PHC2: variants seen among roughly 807,000 people sequenced by gnomAD.
PHC2 encodes polyhomeotic homolog 2, also known as polyhomeotic-like protein 2.
A neutral mutation model predicts 87.4 loss-of-function variants in PHC2; 29 were observed. The observed-to-expected ratio is 0.33, with a 90% confidence interval of 0.25 to 0.45. The LOEUF (loss-of-function observed/expected upper bound fraction) is 0.45, where lower values mean the gene tolerates loss of function less well. PHC2 is among the 20% of genes least tolerant of loss of function. The probability of loss-of-function intolerance (pLI) is 1.00; values close to 1 mark genes in which losing one functional copy is unlikely to be tolerated. For missense variants in PHC2, 857 were observed against 1,136.7 expected (o/e 0.75, Z 3.54); for synonymous variants, 438 against 461.7 (o/e 0.95, Z 0.66).
At chr1:33,335,808 G>A (rs1246582508) in intron 9 of PHC2, among the ~76,000 whole-genome samples, 1 of 150,052 alleles carries the variant, frequency 6.7e-6, no homozygotes, top group Non-Finnish European at 1.5e-5. Context: ...GCTGAGGCAG[G>A]AGAACTGCTT....
At chr1:33,396,347 G>A (rs1649295366) in intron 1 of PHC2, among the ~76,000 whole-genome samples, 1 of 152,192 alleles carries the variant, frequency 6.6e-6, no homozygotes, top group Admixed American at 6.5e-5. Flanking sequence ...TTTTAACGGG[G>A]TGGGGAAGGG....
At position 33,387,795 on chromosome 1, in the gene PHC2, T is replaced by C. The variant is rs527822288; in HGVS notation, c.-54-12202A>G. ...GCCTCTCTGGGCCAGTCAGTTCTTA[T>C]GAAGTTCACTTGGCTCCCATAGCCT... On this transcript the variant is annotated intron_variant, in intron 1 of 14. Transcript: ENST00000683057. Among the ~76,000 whole-genome samples, 40 of 152,350 alleles carry C rather than the reference T, an allele frequency of 2.6e-4. 1 individual carries two copies. The highest frequency in any genetic ancestry group is 3.9e-4 in the Admixed American group (6 of 15,304).
At chr1:33,325,903 G>A (rs1207961439) in intron 14 of PHC2, 2 of 456,672 alleles carry the variant, frequency 4.4e-6, no homozygotes, top group Non-Finnish European at 8.8e-6. Context: ...AGTGTCTAAG[G>A]TGCTTTGAGA....
intron 1 of PHC2, among the ~76,000 whole-genome samples, chr1:33,411,617 G>C (rs1379936416): frequency 6.6e-6 from 1 of 152,148 alleles, no homozygotes; most frequent in Non-Finnish European, 1.5e-5. Context: ...CTGGAGTGCA[G>C]TGGCATGATC....
chr1:33,363,933 C>T (rs756816257), intron 7 of PHC2: 10 of 984,868 alleles, frequency 1.0e-5, no homozygotes, highest in Non-Finnish European at 1.2e-5. Context: ...AAGGGCAAGC[C>T]AGGCCCTTCT....
At chr1:33,353,948 G>A (rs1647020391) in intron 9 of PHC2, among the ~76,000 whole-genome samples, 2 of 152,196 alleles carry the variant, frequency 1.3e-5, no homozygotes, top group Admixed American at 6.5e-5. Context: ...TGCTTCCTGT[G>A]AGCTGAACTC....
chr1:33,429,936 T>C (rs898997163), intron 1 of PHC2, among the ~76,000 whole-genome samples: 8 of 152,174 alleles, frequency 5.3e-5, no homozygotes, highest in Non-Finnish European at 1.0e-4. Flanking sequence ...CCACTGGTGA[T>C]AGAAATATTT....
intron 13 of PHC2, among the ~76,000 whole-genome samples, chr1:33,329,778 A>G (rs1381958442): frequency 1.3e-5 from 2 of 152,328 alleles, no homozygotes; most frequent in Middle Eastern, 3.4e-3. Flanking sequence ...TGAGCAGCCC[A>G]GGGGAGACCC....
intron 7 of PHC2, among the ~76,000 whole-genome samples, chr1:33,362,877 A>G (rs1355997668): frequency 2.6e-5 from 4 of 152,270 alleles, no homozygotes; most frequent in Non-Finnish European, 4.4e-5. Flanking sequence ...AAGAGGTGCT[A>G]AATGAGTATC....
At chr1:33,388,479 AC>A (rs1167642812) in intron 1 of PHC2, among the ~76,000 whole-genome samples, 1 of 151,848 alleles carries the variant, frequency 6.6e-6, no homozygotes, top group African/African-American at 2.4e-5. Flanking sequence ...ATGCGCCACC[AC>A]GCCCAGCTAA....
In PHC2 at chr1:33,414,061, A is replaced by G. The variant is rs995972763; in HGVS notation, c.-55+16915T>C. On this transcript the variant is annotated intron_variant, in intron 1 of 14. Coordinates refer to ENST00000683057, the MANE Select transcript of PHC2 (RefSeq NM_001385109.1). Reference sequence around the variant, plus strand: ...CTTGTTCATTAAATCCCTTAAATGTATATCTAAAAACTGAGTTGGCAGGGC... The same window carrying G: ...CTTGTTCATTAAATCCCTTAAATGTGTATCTAAAAACTGAGTTGGCAGGGC... Among the ~76,000 whole-genome samples the G allele has an allele frequency of 3.3e-5, 5 of 152,302 alleles. No individual in the cohort carries two copies. The South Asian group carries it at 8.3e-4, about 25-fold the overall frequency.
At chr1:33,345,770 T>C in intron 9 of PHC2, 1 of 985,330 alleles carries the variant, frequency 1.0e-6, no homozygotes, top group Non-Finnish European at 1.2e-6. Context: ...TGGTTGATTA[T>C]TTTCCTAACA....
chr1:33,325,039 GAC>G lies in PHC2; in HGVS notation c.2426-22_2426-21del. The stretch of plus-strand genomic sequence containing the variant: ...GGCAGCCTGAGGGGGTACCACCAAA[GAC>G]AGTGTCAATCCAAGCCGCCAGTGTT... On this transcript the variant is annotated intron_variant, in intron 14 of 14. Transcript: ENST00000683057. 1 of 1,593,324 alleles carries G rather than the reference GAC, an allele frequency of 6.3e-7. No homozygotes were observed. The highest frequency in any genetic ancestry group is 8.6e-7 in the Non-Finnish European group (1 of 1,165,922).
intron 9 of PHC2, among the ~76,000 whole-genome samples, chr1:33,335,842 G>C (rs993250277): frequency 1.3e-5 from 2 of 150,708 alleles, no homozygotes; most frequent in African/African-American, 4.9e-5. Context: ...GGAGGCTGCA[G>C]TGAGCTGAGA....
At chr1:33,342,690 T>C (rs920383559) in intron 9 of PHC2, among the ~76,000 whole-genome samples, 16 of 152,084 alleles carry the variant, frequency 1.1e-4, no homozygotes, top group African/African-American at 3.1e-4. Context: ...CACCAGGGAA[T>C]AATAGCTGGC....
At chr1:33,335,234 CA>C (rs1328376081) in intron 9 of PHC2, 1 of 985,338 alleles carries the variant, frequency 1.0e-6, no homozygotes, top group African/African-American at 1.7e-5. Context: ...TGAGCTGTCT[CA>C]TTGTCTTAGA....
chr1:33,329,019 G>A lies in PHC2; in HGVS notation c.2276C>T (p.Ser759Phe). The change falls in exon 14 of 15, where the codon TCT becomes TTT. Residue 759 changes from serine to phenylalanine, a missense_variant. By Grantham distance (155) the Ser-to-Phe change is radical (BLOSUM62 -2). Transcript: ENST00000683057. ...CTGGCCTTGTCGCCGGCGGGAAGTAGATGAGCTGGCTGAGATGGGTGACAA... is the reference window on the plus strand; with the variant it reads ...CTGGCCTTGTCGCCGGCGGGAAGTAAATGAGCTGGCTGAGATGGGTGACAA... ...EPLSPISASS[S>F]TSRRRQGQRD... 2 of 1,614,254 alleles carry A rather than the reference G, an allele frequency of 1.2e-6. No individual in the cohort carries two copies. Among genetic ancestry groups the A allele is most frequent in the South Asian group, 1.1e-5 (1 of 91,088 alleles).
intron 1 of PHC2, among the ~76,000 whole-genome samples, chr1:33,424,326 C>G (rs1024027251): frequency 1.3e-5 from 2 of 152,142 alleles, no homozygotes; most frequent in African/African-American, 4.8e-5. Context: ...TTTATCTGTA[C>G]CCATGGTTTC....
At chr1:33,345,569 A>C in intron 9 of PHC2, 1 of 985,262 alleles carries the variant, frequency 1.0e-6, no homozygotes, top group Non-Finnish European at 1.2e-6. Flanking sequence ...ATCTCAGAGC[A>C]ACGGTTTATG....
Sources: allele counts gnomAD v4.1 joint callset (sites outside exome capture counted in the v4.1 genomes callset), GRCh38; gene constraint gnomAD v4.1.1; transcripts MANE v1.5; gene names NCBI Gene and HGNC (gene_info 2026-07-23, HGNC 2026-07-21).